MYO16: variants seen among roughly 807,000 people sequenced by gnomAD.
MYO16 encodes myosin XVI.
A neutral mutation model predicts 205.3 loss-of-function variants in MYO16; 94 were observed. The ratio of observed to expected loss-of-function variants is 0.46; its 90% CI spans 0.39 to 0.54. MYO16 has a LOEUF of 0.54. Ranked by LOEUF, MYO16 falls within the 20% of genes least tolerant of loss-of-function variation. The pLI, the probability that MYO16 is intolerant of heterozygous loss-of-function variation, is 0.00. For missense variants in MYO16, 2,315 were observed against 2,387.5 expected, an observed-to-expected ratio of 0.97 and a Z score of 0.63; for synonymous variants, 988 against 954.0, an observed-to-expected ratio of 1.04 and a Z score of -0.66.
At chr13:108,651,966 G>A (rs1177203229) in intron 1 of MYO16, among the ~76,000 whole-genome samples, 1 of 152,098 alleles carries the variant, frequency 6.6e-6, no homozygotes, top group African/African-American at 2.4e-5. Context: ...TTTTTTTTAG[G>A]CTCTGGGGGA....
intron 9 of MYO16, among the ~76,000 whole-genome samples, chr13:108,838,061 A>T (rs1188444117): frequency 6.6e-6 from 1 of 152,202 alleles, no homozygotes; most frequent in African/African-American, 2.4e-5. Context: ...ATGAGAGTAG[A>T]TGTAGACAGT....
intron 9 of MYO16, among the ~76,000 whole-genome samples, chr13:108,840,138 A>G (rs986042704): frequency 3.3e-5 from 5 of 152,204 alleles, no homozygotes; most frequent in Non-Finnish European, 7.3e-5. Context: ...TCTGTACTGT[A>G]CCATGCTATC....
intron 23 of MYO16, among the ~76,000 whole-genome samples, chr13:109,027,095 G>C (rs1594483324): frequency 1.3e-5 from 2 of 152,072 alleles, no homozygotes; most frequent in South Asian, 4.1e-4. Flanking sequence ...GGCAGGGTTG[G>C]TTACTTCTGG....
intron 16 of MYO16, among the ~76,000 whole-genome samples, chr13:108,957,083 T>C (rs576322459): frequency 1.9e-4 from 29 of 152,280 alleles, no homozygotes; most frequent in African/African-American, 7.0e-4. Flanking sequence ...GTTGAATTTT[T>C]GTATGAAATT....
In MYO16 at chr13:109,015,942, T is replaced by A. The variant is rs529994926; in HGVS notation, c.2596-3769T>A. On this transcript the variant is annotated intron_variant, in intron 22 of 34. Transcript: ENST00000457511. The stretch of plus-strand genomic sequence containing the variant: ...TGGATTCACTGATTTTTTTGAAGGG[T>A]TTTTTGTGTTTGTATCTCCTTGACT... 4.1e-4 allele frequency among the ~76,000 whole-genome samples: 62 copies of A among 152,218 alleles called. No homozygotes were observed. In the Middle Eastern group the frequency reaches 0.014, roughly 33 times the overall value.
At chr13:108,936,994 T>C (rs1882518529) in intron 16 of MYO16, among the ~76,000 whole-genome samples, 1 of 152,214 alleles carries the variant, frequency 6.6e-6, no homozygotes, top group South Asian at 2.1e-4. Context: ...TGTTCTTTTG[T>C]CTGCATGTTT....
intron 4 of MYO16, among the ~76,000 whole-genome samples, chr13:108,739,059 A>G (rs1407771993): frequency 6.6e-6 from 1 of 152,158 alleles, no homozygotes; most frequent in Non-Finnish European, 1.5e-5. Flanking sequence ...TCTCCTGTAT[A>G]CAGCACACTG....
chr13:108,820,266 G>A, intron 7 of MYO16, 71 bp from the exon 8 acceptor site: 2 of 1,118,628 alleles, frequency 1.8e-6, no homozygotes, highest in Non-Finnish European at 2.6e-6. Flanking sequence ...GGACAGCACA[G>A]TGTATGACTT....
chr13:109,196,681 C>G (rs1880171393), intron 34 of MYO16, among the ~76,000 whole-genome samples: 1 of 152,116 alleles, frequency 6.6e-6, no homozygotes, highest in African/African-American at 2.4e-5. Context: ...ACCCTAAGGG[C>G]TCCAGTAATA....
chr13:109,139,477 C>T (rs1007873190), intron 31 of MYO16, among the ~76,000 whole-genome samples: 10 of 152,168 alleles, frequency 6.6e-5, no homozygotes, highest in East Asian at 1.9e-4. Context: ...CTCCAGGGAC[C>T]GCACCTCCGC....
the MYO16 span, among the ~76,000 whole-genome samples, chr13:108,531,064 GAGAAT>G: frequency 2.0e-5 from 3 of 152,152 alleles, no homozygotes; most frequent in South Asian, 6.2e-4. Context: ...TGCTGGTAGA[GAGAAT>G]AGCATTTGTG....
chr13:109,198,549 G>T (rs1880258536), intron 34 of MYO16, among the ~76,000 whole-genome samples: 1 of 152,074 alleles, frequency 6.6e-6, no homozygotes, highest in Non-Finnish European at 1.5e-5. Context: ...AGTAATAAAA[G>T]AATATATTAT....
chr13:108,685,418 C>G (rs375781415), intron 2 of MYO16, among the ~76,000 whole-genome samples: 2 of 152,084 alleles, frequency 1.3e-5, no homozygotes, highest in Non-Finnish European at 2.9e-5. Context: ...GGGACTGAGC[C>G]CTTACCTGTG....
upstream of MYO16, among the ~76,000 whole-genome samples, chr13:108,591,518 T>G (rs1878398971): frequency 6.6e-6 from 1 of 152,216 alleles, no homozygotes. Context: ...CTTTGGTTCT[T>G]TTCTTCTTTC....
chr13:109,068,776 A>G (rs886929583), intron 27 of MYO16, among the ~76,000 whole-genome samples: 5 of 152,112 alleles, frequency 3.3e-5, no homozygotes, highest in African/African-American at 1.2e-4. Flanking sequence ...TTTTTAGTAG[A>G]GAAGGGGTTT....
At position 108,891,090 on chromosome 13, in the gene MYO16, C is replaced by T. The variant is rs965823751; in HGVS notation, c.1659+2613C>T. Among the ~76,000 whole-genome samples the T allele has an allele frequency of 5.9e-5, 9 of 152,264 alleles. No homozygotes were observed. In the South Asian group the frequency reaches 1.2e-3, roughly 21 times the overall value. On this transcript the variant is annotated intron_variant, in intron 14 of 34. Coordinates refer to ENST00000457511, the MANE Select transcript of MYO16 (RefSeq NM_001198950.3). ...TAAATGAATATACTAAAATAAGTAT[C>T]GTGACCGTATAGGAGAAACATTTCA...
At chr13:108,848,330 A>G (rs1366893109) in intron 10 of MYO16, among the ~76,000 whole-genome samples, 1 of 152,204 alleles carries the variant, frequency 6.6e-6, no homozygotes, top group Non-Finnish European at 1.5e-5. Flanking sequence ...AGATTATTTT[A>G]GAAAATAATA....
intron 20 of MYO16, among the ~76,000 whole-genome samples, chr13:108,980,446 T>G (rs747929209): frequency 6.6e-6 from 1 of 152,222 alleles, no homozygotes; most frequent in Non-Finnish European, 1.5e-5. Context: ...ATGCTCTCTG[T>G]GCCTGTCATT....
chr13:108,956,724 G>C (rs1327815426), intron 16 of MYO16, among the ~76,000 whole-genome samples: 1 of 152,090 alleles, frequency 6.6e-6, no homozygotes, highest in Admixed American at 6.6e-5. Flanking sequence ...CAAATTCTTG[G>C]AATCACAGCC....
Sources: gnomAD v4.1 joint callset for allele counts (sites outside exome capture counted in the v4.1 genomes callset) on GRCh38, gnomAD v4.1.1 for gene constraint, MANE v1.5 for transcripts, NCBI Gene and HGNC (gene_info 2026-07-23, HGNC 2026-07-21) for gene names.